Variants in QKI observed in about 807,000 individuals in gnomAD.
QKI encodes the protein QKI, KH domain containing RNA binding, also known as KH domain-containing RNA-binding protein QKI.
A neutral mutation model predicts 39.0 loss-of-function variants in QKI; 10 were observed. That is an observed-to-expected ratio of 0.26 (90% confidence interval 0.16 to 0.43). The LOEUF is 0.43. Among genes scored for constraint, QKI ranks in the 20% least tolerant of loss-of-function variants. The pLI, the probability that QKI is intolerant of heterozygous loss-of-function variation, is 1.00. For missense variants in QKI, 218 were observed against 428.0 expected, an observed-to-expected ratio of 0.51 and a Z score of 4.33; for synonymous variants, 204 against 155.4, an observed-to-expected ratio of 1.31 and a Z score of -2.33.
At chr6:163,521,097 A>G (rs1018532395) in intron 3 of QKI, among the ~76,000 whole-genome samples, 3 of 152,152 alleles carry the variant, frequency 2.0e-5, no homozygotes, top group Non-Finnish European at 4.4e-5. Flanking sequence ...AAGTGAAGAA[A>G]GAACTCCATT....
intron 1 of QKI, among the ~76,000 whole-genome samples, chr6:163,433,719 A>G (rs1789018668): frequency 1.3e-5 from 2 of 152,062 alleles, no homozygotes; most frequent in Admixed American, 1.3e-4. Flanking sequence ...GTGAGCTGAG[A>G]CCACGCCATT....
At chr6:163,487,206 G>A (rs540762261) in intron 3 of QKI, among the ~76,000 whole-genome samples, 2 of 151,414 alleles carry the variant, frequency 1.3e-5, no homozygotes, top group South Asian at 2.1e-4. Flanking sequence ...TTTTCATTAT[G>A]CAAAATTTTA....
At chr6:163,439,648 C>T (rs1196509081) in intron 1 of QKI, among the ~76,000 whole-genome samples, 1 of 146,196 alleles carries the variant, frequency 6.8e-6, no homozygotes, top group African/African-American at 2.6e-5. Context: ...GCCACCGCGT[C>T]CTGAATCCTT....
At chr6:163,415,462 GC>G in intron 1 of QKI, 127 bp downstream of exon 1, 1 of 907,886 alleles carries the variant, frequency 1.1e-6, no homozygotes, top group South Asian at 2.4e-5. Context: ...GGACTGGGAG[GC>G]CAGGAGGGCG....
intron 1 of QKI, among the ~76,000 whole-genome samples, chr6:163,439,606 G>A (rs1321185603): frequency 2.0e-5 from 3 of 150,220 alleles, no homozygotes; most frequent in Non-Finnish European, 3.0e-5. Context: ...CACTTATCTC[G>A]GCCTCCCAAA....
At chr6:163,499,257 CTTCTA>C (rs1778598374) in intron 3 of QKI, among the ~76,000 whole-genome samples, 1 of 152,140 alleles carries the variant, frequency 6.6e-6, no homozygotes, top group Non-Finnish European at 1.5e-5. Context: ...ACTTATTTGA[CTTCTA>C]TTCGTGTTTA....
At chr6:163,449,680 G>T (rs73787651) in intron 1 of QKI, among the ~76,000 whole-genome samples, 2 of 151,922 alleles carry the variant, frequency 1.3e-5, no homozygotes, top group African/African-American at 4.8e-5. Context: ...AATAGTTTTT[G>T]TGTTTCATTT....
intron 1 of QKI, among the ~76,000 whole-genome samples, chr6:163,452,358 T>C (rs1334557458): frequency 6.6e-6 from 1 of 152,206 alleles, no homozygotes; most frequent in Admixed American, 6.5e-5. Flanking sequence ...ATTTGTGTTC[T>C]GTTATGAAAT....
intron 4 of QKI, among the ~76,000 whole-genome samples, chr6:163,541,222 T>G (rs1024544494): frequency 1.7e-4 from 26 of 152,230 alleles, no homozygotes; most frequent in Non-Finnish European, 3.8e-4. Context: ...TAATTTCTTC[T>G]TTGAGCCGTG....
chr6:163,500,944 C>T (rs1235659615), intron 3 of QKI, among the ~76,000 whole-genome samples: 3 of 152,026 alleles, frequency 2.0e-5, no homozygotes, highest in South Asian at 2.1e-4. Flanking sequence ...CCAATGTATG[C>T]GTGATTCTCC....
chr6:163,474,599 A>G (rs1412950381), intron 2 of QKI, among the ~76,000 whole-genome samples: 1 of 152,036 alleles, frequency 6.6e-6, no homozygotes, highest in Non-Finnish European at 1.5e-5. Flanking sequence ...CAACAAAAGT[A>G]AAAACAAGTA....
rs66826538 is a variant in QKI at position 163,489,424 on chromosome 6, CTG to C, written c.402+10560_402+10561del. 4.5e-3 allele frequency among the ~76,000 whole-genome samples: 667 copies of C among 148,974 alleles called. 4 individuals carry two copies. The highest frequency in any genetic ancestry group is 0.014 in the Middle Eastern group (4 of 290). On this transcript the variant is annotated intron_variant, in intron 3 of 7. Transcript: ENST00000361752. The stretch of plus-strand genomic sequence containing the variant: ...TAAAGGCACTTTCAAAGAAGTTATG[CTG>C]TGTGTGTGTGTGTGTGTGTGTGTGT...
intron 3 of QKI, among the ~76,000 whole-genome samples, chr6:163,532,972 C>A (rs776469776): frequency 6.6e-6 from 1 of 152,044 alleles, no homozygotes; most frequent in African/African-American, 2.4e-5. Context: ...CTTGTTGATA[C>A]GTTTTGCCAG....
At chr6:163,471,721 G>T (rs1265466905) in intron 2 of QKI, among the ~76,000 whole-genome samples, 1 of 151,896 alleles carries the variant, frequency 6.6e-6, no homozygotes, top group Admixed American at 6.6e-5. Context: ...GGAAAAAGAG[G>T]CAAGAAAGAA....
chr6:163,507,189 C>T (rs1021545084), intron 3 of QKI, among the ~76,000 whole-genome samples: 1 of 152,144 alleles, frequency 6.6e-6, no homozygotes, highest in South Asian at 2.1e-4. Flanking sequence ...GGAGATAATA[C>T]TGTAACTAGA....
At chr6:163,417,369 A>AT (rs1787606914) in intron 1 of QKI, among the ~76,000 whole-genome samples, 3 of 152,168 alleles carry the variant, frequency 2.0e-5, no homozygotes, top group African/African-American at 7.2e-5. Context: ...GAAATGTCGA[A>AT]TTCAAAGACT....
chr6:163,492,868 G>A (rs751795650), intron 3 of QKI, among the ~76,000 whole-genome samples: 44 of 152,034 alleles, frequency 2.9e-4, no homozygotes, highest in Non-Finnish European at 4.7e-4. Flanking sequence ...GATTTAAGAC[G>A]AGTAAGTACT....
intron 3 of QKI, among the ~76,000 whole-genome samples, chr6:163,527,488 C>T (rs1780586961): frequency 6.6e-6 from 1 of 152,100 alleles, no homozygotes; most frequent in African/African-American, 2.4e-5. Context: ...ACAGTAGGAG[C>T]AGAAGTCTTG....
At chr6:163,422,324 A>T (rs1442432772) in intron 1 of QKI, among the ~76,000 whole-genome samples, 1 of 152,240 alleles carries the variant, frequency 6.6e-6, no homozygotes, top group Non-Finnish European at 1.5e-5. Flanking sequence ...GTAGAACTAA[A>T]TTTTGAGGCT....
Sources: gnomAD v4.1 joint callset for allele counts (sites outside exome capture counted in the v4.1 genomes callset) on GRCh38, gnomAD v4.1.1 for gene constraint, MANE v1.5 for transcripts, NCBI Gene and HGNC (gene_info 2026-07-23, HGNC 2026-07-21) for gene names.